Variants in CDH18 observed in about 807,000 individuals in gnomAD.
CDH18 encodes cadherin 18, also known as cadherin-18.
CDH18 carries 31 observed loss-of-function variants against 67.9 expected under a neutral mutation model. The ratio of observed to expected loss-of-function variants is 0.46; its 90% CI spans 0.34 to 0.62. The LOEUF (loss-of-function observed/expected upper bound fraction) is 0.62, where lower values mean the gene tolerates loss of function less well. CDH18 is among the 20% of genes least tolerant of loss of function. CDH18 has a pLI of 0.01. For missense variants in CDH18, 890 were observed against 975.5 expected, an observed-to-expected ratio of 0.91 and a Z score of 1.17; for synonymous variants, 362 against 347.2, an observed-to-expected ratio of 1.04 and a Z score of -0.48.
intron 2 of CDH18, among the ~76,000 whole-genome samples, chr5:20,126,394 T>C (rs1334802243): frequency 6.6e-6 from 1 of 152,014 alleles, no homozygotes; most frequent in Non-Finnish European, 1.5e-5. Context: ...CTTCATGAAG[T>C]TTGTCTTGGA....
Position 20,446,354 on chromosome 5 carries a change from T to C in CDH18, c.-580+129108A>G, listed in dbSNP as rs547343963. On this transcript the variant is annotated intron_variant, in intron 1 of 14. Transcript: ENST00000507958. Reference sequence around the variant, plus strand: ...CAGCCTTGTCTGCTTTCTTTTCTCATAGCAGCTTTTCTTCCCAGCTGCTAG... The same window carrying C: ...CAGCCTTGTCTGCTTTCTTTTCTCACAGCAGCTTTTCTTCCCAGCTGCTAG... 5.3e-5 allele frequency among the ~76,000 whole-genome samples: 8 copies of C among 152,222 alleles called. No individual in the cohort carries two copies. The South Asian group carries it at 1.4e-3, about 28-fold the overall frequency.
chr5:20,207,975 C>T (rs755377901), intron 2 of CDH18, among the ~76,000 whole-genome samples: 5 of 151,994 alleles, frequency 3.3e-5, no homozygotes, highest in South Asian at 2.1e-4. Flanking sequence ...AACATAAACA[C>T]CAACTGAATG....
rs1427126569 is a variant in CDH18 at position 19,979,221 on chromosome 5, TGTG to T, written c.-257+1836_-257+1838del. Among the ~76,000 whole-genome samples the T allele has an allele frequency of 2.6e-3, 386 of 151,078 alleles. 2 individuals carry two copies. Among genetic ancestry groups the T allele is most frequent in the Non-Finnish European group, 4.2e-3 (286 of 67,566 alleles). Reference sequence around the variant, plus strand: ...TGATTGTTGGTGGGGATGGAGTGTGTGTGTGTGTGTGTGTGTGTGTGTGTGTTG... The same window carrying T: ...TGATTGTTGGTGGGGATGGAGTGTGTTGTGTGTGTGTGTGTGTGTGTGTTG... On this transcript the variant is annotated intron_variant, in intron 2 of 12. Transcript: ENST00000382275.
At chr5:20,546,362 G>C (rs921453259) in intron 1 of CDH18, among the ~76,000 whole-genome samples, 1 of 151,752 alleles carries the variant, frequency 6.6e-6, no homozygotes, top group Non-Finnish European at 1.5e-5. Context: ...CACTCTGCCA[G>C]TACCAATTCT....
intron 1 of CDH18, among the ~76,000 whole-genome samples, chr5:20,433,580 A>G (rs566475129): frequency 2.0e-5 from 3 of 152,196 alleles, no homozygotes; most frequent in South Asian, 2.1e-4. Flanking sequence ...TGTTTAAAAC[A>G]TATGGGAGAT....
At chr5:20,118,474 T>C (rs953322714) in intron 2 of CDH18, among the ~76,000 whole-genome samples, 1 of 152,182 alleles carries the variant, frequency 6.6e-6, no homozygotes, top group African/African-American at 2.4e-5. Context: ...TTACCTGTTA[T>C]AATATTACGA....
At chr5:20,006,605 CCT>C (rs1292162764) in intron 2 of CDH18, among the ~76,000 whole-genome samples, 1 of 151,780 alleles carries the variant, frequency 6.6e-6, no homozygotes, top group Admixed American at 6.6e-5. Flanking sequence ...TCTACTTCTC[CCT>C]GTTTCCATAT....
chr5:19,971,777 G>C (rs747415943), intron 2 of CDH18, among the ~76,000 whole-genome samples: 25 of 151,314 alleles, frequency 1.7e-4, no homozygotes, highest in African/African-American at 5.6e-4. Flanking sequence ...TGAAATAATT[G>C]GTACAACAAA....
At chr5:20,504,276 T>C (rs1228314891) in intron 1 of CDH18, among the ~76,000 whole-genome samples, 2 of 152,196 alleles carry the variant, frequency 1.3e-5, no homozygotes, top group African/African-American at 4.8e-5. Context: ...AACAGAATTT[T>C]ATCTCTTGAT....
At chr5:19,787,627 G>A (rs56156189) in intron 3 of CDH18, among the ~76,000 whole-genome samples, 8,914 of 151,584 alleles carry the variant, frequency 0.059, 330 homozygotes, top group Non-Finnish European at 0.081. Flanking sequence ...ATAACAAACA[G>A]AAAAGATAAA....
intron 1 of CDH18, among the ~76,000 whole-genome samples, chr5:20,555,828 G>C (rs568080335): frequency 4.9e-5 from 7 of 142,620 alleles, no homozygotes; most frequent in African/African-American, 1.6e-4. Flanking sequence ...ATTTTACTTT[G>C]TTCTTCTTAA....
At chr5:20,529,736 C>T (rs1380569173) in intron 1 of CDH18, among the ~76,000 whole-genome samples, 1 of 151,888 alleles carries the variant, frequency 6.6e-6, no homozygotes, top group African/African-American at 2.4e-5. Flanking sequence ...AAGGAACATA[C>T]TGCAAAATAA....
intron 5 of CDH18, among the ~76,000 whole-genome samples, chr5:19,638,737 G>A (rs1753533090): frequency 6.6e-6 from 1 of 151,588 alleles, no homozygotes. Context: ...TTAAAAAGCT[G>A]CAGCAACACA....
intron 2 of CDH18, among the ~76,000 whole-genome samples, chr5:20,242,556 C>G (rs1743012416): frequency 9.3e-6 from 1 of 107,340 alleles, no homozygotes; most frequent in Admixed American, 1.1e-4. Context: ...TTTCTTCCCC[C>G]ACTTTTAAGG....
intron 1 of CDH18, among the ~76,000 whole-genome samples, chr5:20,317,342 A>C (rs528386858): frequency 3.0e-4 from 45 of 152,220 alleles, no homozygotes; most frequent in African/African-American, 1.0e-3. Flanking sequence ...TCATGCCAAA[A>C]TGAAGGCACC....
intron 7 of CDH18, among the ~76,000 whole-genome samples, chr5:19,578,630 A>C (rs542528514): frequency 2.0e-5 from 3 of 151,468 alleles, no homozygotes; most frequent in Admixed American, 6.6e-5. Context: ...TTTATTCTCC[A>C]TTATTAGTTA....
chr5:20,398,412 G>C (rs1166477629), intron 1 of CDH18, among the ~76,000 whole-genome samples: 1 of 151,934 alleles, frequency 6.6e-6, no homozygotes, highest in Non-Finnish European at 1.5e-5. Flanking sequence ...CCTATAAAAT[G>C]GTCACATTCA....
At chr5:20,208,428 G>C (rs1419175685) in intron 2 of CDH18, among the ~76,000 whole-genome samples, 2 of 131,102 alleles carry the variant, frequency 1.5e-5, no homozygotes, top group Non-Finnish European at 3.2e-5. Context: ...GATTTGTGTG[G>C]GGACACAGAG....
intron 1 of CDH18, among the ~76,000 whole-genome samples, chr5:19,986,363 A>G (rs1427523620): frequency 2.0e-5 from 3 of 152,124 alleles, no homozygotes; most frequent in Non-Finnish European, 2.9e-5. Context: ...CTACTATTAT[A>G]TTCTCCTTTG....
Sources: gnomAD v4.1 joint callset for allele counts (sites outside exome capture counted in the v4.1 genomes callset) on GRCh38, gnomAD v4.1.1 for gene constraint, MANE v1.5 for transcripts, NCBI Gene and HGNC (gene_info 2026-07-23, HGNC 2026-07-21) for gene names.